IKZF2: variants seen among roughly 807,000 people sequenced by gnomAD.
IKZF2 encodes the protein IKAROS family zinc finger 2, also known as zinc finger protein Helios.
A neutral mutation model predicts 49.2 loss-of-function variants in IKZF2; 15 were observed. The ratio of observed to expected loss-of-function variants is 0.30; its 90% CI spans 0.20 to 0.47. The LOEUF is 0.47. IKZF2 is among the 20% of genes least tolerant of loss of function. IKZF2 has a pLI of 1.00. For missense variants in IKZF2, 567 were observed against 664.6 expected (o/e 0.85, Z 1.61); for synonymous variants, 227 against 221.4 (o/e 1.03, Z -0.23).
At chr2:213,101,336 T>C (rs1395772607) in intron 4 of IKZF2, among the ~76,000 whole-genome samples, 1 of 152,136 alleles carries the variant, frequency 6.6e-6, no homozygotes, top group East Asian at 1.9e-4. Context: ...ACTCATTATT[T>C]CTCCAACCTG....
intron 1 of IKZF2, 48 bp from the exon 2 acceptor site, chr2:213,150,295 C>G: frequency 1.4e-6 from 1 of 715,164 alleles, no homozygotes; most frequent in Non-Finnish European, 2.2e-6. Context: ...GTGTTTCCCC[C>G]TTCTCTCTTT....
intron 4 of IKZF2, among the ~76,000 whole-genome samples, chr2:213,109,818 T>C (rs1047598866): frequency 3.3e-5 from 5 of 152,024 alleles, no homozygotes; most frequent in East Asian, 1.9e-4. Context: ...AAGTTGCATA[T>C]TGTATAAAAA....
intron 4 of IKZF2, among the ~76,000 whole-genome samples, chr2:213,077,529 A>G (rs571799970): frequency 6.8e-6 from 1 of 147,148 alleles, no homozygotes; most frequent in Admixed American, 6.6e-5. Flanking sequence ...TTTGTTTTTT[A>G]AATTTTTTTA....
intron 4 of IKZF2, among the ~76,000 whole-genome samples, chr2:213,060,598 T>C (rs1017102320): frequency 1.3e-5 from 2 of 151,582 alleles, no homozygotes; most frequent in African/African-American, 4.8e-5. Context: ...CTTGTTTCTC[T>C]GATATGAAAT....
chr2:213,116,537 C>A (rs1044374475), intron 4 of IKZF2, among the ~76,000 whole-genome samples: 4 of 152,046 alleles, frequency 2.6e-5, no homozygotes, highest in African/African-American at 9.7e-5. Context: ...GAGTTCAAGA[C>A]CAGCCTGGGA....
At position 213,006,437 on chromosome 2, in the gene IKZF2, T is replaced by A. The variant is rs368539249; in HGVS notation, c.*923A>T. On this transcript the variant is annotated 3_prime_UTR_variant, in exon 9 of 9. Transcript: ENST00000434687. The stretch of plus-strand genomic sequence containing the variant: ...AAAGTGACAATCGTAAGCATACTTT[T>A]AGAAACAAATACATATACTATGCTG... The A allele has an allele frequency of 9.8e-5, 15 of 152,634 alleles. 1 individual carries two copies. The highest frequency in any genetic ancestry group is 3.6e-4 in the African/African-American group (15 of 41,558). 9.5% of individuals were successfully genotyped at this position (152,634 alleles called of 1,614,324 possible). A position where few individuals can be genotyped will look rare whatever the true frequency, so the allele number is the denominator to read the frequency against.
chr2:213,100,542 C>G (rs1351133954), intron 4 of IKZF2, among the ~76,000 whole-genome samples: 5 of 152,098 alleles, frequency 3.3e-5, no homozygotes, highest in Non-Finnish European at 1.5e-5. Flanking sequence ...ACGTATTTAA[C>G]ATACTGTCTT....
intron 4 of IKZF2, among the ~76,000 whole-genome samples, chr2:213,085,336 G>T (rs1191246993): frequency 6.6e-6 from 1 of 152,084 alleles, no homozygotes; most frequent in African/African-American, 2.4e-5. Context: ...AGCCAAATTT[G>T]CCAGCAAGGC....
At chr2:213,091,947 AATTT>A (rs1215668509) in intron 4 of IKZF2, among the ~76,000 whole-genome samples, 1 of 143,726 alleles carries the variant, frequency 7.0e-6, no homozygotes, top group Admixed American at 6.8e-5. Context: ...ATTTTTATTT[AATTT>A]ATTTACTTAT....
intron 4 of IKZF2, among the ~76,000 whole-genome samples, chr2:213,147,021 C>A (rs1414642278): frequency 6.6e-6 from 1 of 152,084 alleles, no homozygotes; most frequent in Non-Finnish European, 1.5e-5. Context: ...ATTTTGTCTT[C>A]TGTCACTGAC....
intron 4 of IKZF2, among the ~76,000 whole-genome samples, chr2:213,114,223 G>A (rs1250170844): frequency 6.6e-6 from 1 of 152,114 alleles, no homozygotes; most frequent in African/African-American, 2.4e-5. Flanking sequence ...ATAAAAAGGT[G>A]TGGATGTGTG....
intron 7 of IKZF2, among the ~76,000 whole-genome samples, chr2:213,015,719 G>C (rs558546502): frequency 2.0e-5 from 3 of 151,806 alleles, no homozygotes; most frequent in African/African-American, 7.3e-5. Context: ...AGCAGTCCAA[G>C]TATGGACCAA....
intron 4 of IKZF2, among the ~76,000 whole-genome samples, chr2:213,087,247 G>A (rs1704731135): frequency 6.6e-6 from 1 of 152,110 alleles, no homozygotes; most frequent in Non-Finnish European, 1.5e-5. Context: ...CATTATTTCT[G>A]TGGGAACTTT....
At chr2:213,072,734 T>C (rs12105844) in intron 4 of IKZF2, among the ~76,000 whole-genome samples, 3,266 of 152,240 alleles carry the variant, frequency 0.021, 120 homozygotes, top group African/African-American at 0.074. Context: ...TATATTTTTC[T>C]AGTGTTTTTA....
chr2:213,058,335 A>C (rs4672670), intron 4 of IKZF2, among the ~76,000 whole-genome samples: 77,986 of 151,886 alleles, frequency 0.51, 23,178 homozygotes, highest in East Asian at 0.77. Context: ...TTTAGGTATT[A>C]AGAACGAGGA....
At chr2:213,086,655 C>T (rs1704641551) in intron 4 of IKZF2, among the ~76,000 whole-genome samples, 1 of 152,258 alleles carries the variant, frequency 6.6e-6, no homozygotes, top group Non-Finnish European at 1.5e-5. Flanking sequence ...GGAACTCTTT[C>T]AGAGAGACCC....
At chr2:213,061,127 T>G (rs1320962963) in intron 4 of IKZF2, among the ~76,000 whole-genome samples, 3 of 151,604 alleles carry the variant, frequency 2.0e-5, no homozygotes, top group Non-Finnish European at 4.4e-5. Context: ...TAAAGACACT[T>G]GCACAGATAC....
At chr2:213,141,899 T>A (rs140087235) in intron 4 of IKZF2, among the ~76,000 whole-genome samples, 160 of 152,204 alleles carry the variant, frequency 1.1e-3, no homozygotes, top group African/African-American at 3.7e-3. Context: ...CAAATGCTTA[T>A]AATTAATAAT....
intron 6 of IKZF2, among the ~76,000 whole-genome samples, chr2:213,038,675 C>A (rs1286537833): frequency 6.6e-6 from 1 of 150,426 alleles, no homozygotes; most frequent in Non-Finnish European, 1.5e-5. Flanking sequence ...CAGACCACAA[C>A]ACTCAAAAGA....
Sources: gnomAD v4.1 joint callset for allele counts (sites outside exome capture counted in the v4.1 genomes callset) on GRCh38, gnomAD v4.1.1 for gene constraint, MANE v1.5 for transcripts, NCBI Gene and HGNC (gene_info 2026-07-23, HGNC 2026-07-21) for gene names.